Variants in DLGAP1 observed in about 807,000 individuals in gnomAD.
DLGAP1 encodes the protein disks large-associated protein 1.
A neutral mutation model predicts 90.8 loss-of-function variants in DLGAP1; 11 were observed. The observed-to-expected ratio is 0.12, with a 90% CI of 0.08 to 0.20. The LOEUF is 0.20. Among genes scored for constraint, DLGAP1 ranks in the 10% least tolerant of loss-of-function variants. The pLI is 1.00. For missense variants in DLGAP1, 1,050 were observed against 1,333.8 expected, an observed-to-expected ratio of 0.79 and a Z score of 3.31; for synonymous variants, 558 against 540.7, an observed-to-expected ratio of 1.03 and a Z score of -0.44.
Position 3,707,556 on chromosome 18 carries a change from C to T in DLGAP1, c.1591+21579G>A, listed in dbSNP as rs1416159293. ...CAGAGGTTGCAGTGAGCCGAGATCA[C>T]GCCACTGCACTCCAGCCTGGGTGAC... On this transcript the variant is annotated intron_variant, in intron 7 of 12. Transcript: ENST00000315677. 7.3e-5 allele frequency among the ~76,000 whole-genome samples: 11 copies of T among 151,414 alleles called. No individual in the cohort carries two copies. In the East Asian group the frequency reaches 2.1e-3, roughly 29 times the overall value.
chr18:3,635,924 T>C (rs2058699126), intron 7 of DLGAP1, among the ~76,000 whole-genome samples: 1 of 151,550 alleles, frequency 6.6e-6, no homozygotes, highest in South Asian at 2.1e-4. Flanking sequence ...CTGAGTTGTA[T>C]TTTGAAGAAA....
At chr18:3,513,571 A>G (rs143347509) in intron 10 of DLGAP1, among the ~76,000 whole-genome samples, 5 of 152,382 alleles carry the variant, frequency 3.3e-5, no homozygotes, top group East Asian at 1.9e-4. Flanking sequence ...TTAGGAAGCA[A>G]GAGCAAAGCA....
intron 1 of DLGAP1, among the ~76,000 whole-genome samples, chr18:4,389,634 T>A (rs970143303): frequency 1.4e-4 from 21 of 152,218 alleles, no homozygotes; most frequent in African/African-American, 5.1e-4. Flanking sequence ...TTCTTCTTTA[T>A]CTTCATGGAT....
chr18:4,007,284 A>G (rs1192618574), intron 2 of DLGAP1, among the ~76,000 whole-genome samples: 1 of 152,062 alleles, frequency 6.6e-6, no homozygotes, highest in African/African-American at 2.4e-5. Flanking sequence ...GTGGCTGAAG[A>G]GTGAGTGACC....
chr18:3,967,330 A>G (rs1205641256), intron 3 of DLGAP1, among the ~76,000 whole-genome samples: 1 of 152,256 alleles, frequency 6.6e-6, no homozygotes, highest in Non-Finnish European at 1.5e-5. Flanking sequence ...ATGAGCTCAC[A>G]GTGACTTTAA....
intron 6 of DLGAP1, among the ~76,000 whole-genome samples, chr18:3,736,419 A>G (rs1033558261): frequency 1.3e-5 from 2 of 152,332 alleles, no homozygotes; most frequent in East Asian, 3.9e-4. Context: ...GTGAGTAATA[A>G]ATGACAGAAG....
chr18:4,446,728 G>C (rs2083677504), intron 1 of DLGAP1, among the ~76,000 whole-genome samples: 1 of 152,074 alleles, frequency 6.6e-6, no homozygotes, highest in African/African-American at 2.4e-5. Context: ...TTCATCCAGA[G>C]ACATCATAAA....
chr18:3,883,132 T>C (rs1451923573), intron 3 of DLGAP1, among the ~76,000 whole-genome samples: 3 of 152,164 alleles, frequency 2.0e-5, no homozygotes, highest in African/African-American at 4.8e-5. Context: ...TAATATCAGC[T>C]ACTTGGGAGG....
intron 1 of DLGAP1, among the ~76,000 whole-genome samples, chr18:4,163,420 G>A (rs950530343): frequency 1.3e-5 from 2 of 152,192 alleles, no homozygotes; most frequent in African/African-American, 4.8e-5. Context: ...GGCCCAGTGA[G>A]GAAAAGGTGT....
intron 1 of DLGAP1, chr18:4,293,404 T>C (rs1162986508): frequency 1.3e-5 from 2 of 152,240 alleles, no homozygotes; most frequent in African/African-American, 4.8e-5. Context: ...GTAGAGATCA[T>C]AGATACAATG....
chr18:3,711,510 C>G lies in DLGAP1; in HGVS notation c.1591+17625G>C, dbSNP rs1264946579. Among the ~76,000 whole-genome samples, 1 of 152,206 alleles carries G rather than the reference C, an allele frequency of 6.6e-6. No individual in the cohort carries two copies. Among genetic ancestry groups the G allele is most frequent in the Non-Finnish European group, 1.5e-5 (1 of 68,040 alleles). ...CTAAAAGTGGCTCACGTATCCCACC[C>G]AGATCATCAGCTGTGTTGACTGTGG... On this transcript the variant is annotated intron_variant, in intron 7 of 12. Transcript: ENST00000315677. The surrounding 1 kb of genome is among the most constrained non-coding windows in gnomAD (Gnocchi z 4.0).
At chr18:3,855,352 C>G (rs778311349) in intron 4 of DLGAP1, among the ~76,000 whole-genome samples, 1 of 151,944 alleles carries the variant, frequency 6.6e-6, no homozygotes, top group Non-Finnish European at 1.5e-5. Flanking sequence ...ACCTGAGTGA[C>G]AAAATAATCT....
chr18:4,032,225 C>T (rs2074807322), intron 2 of DLGAP1, among the ~76,000 whole-genome samples: 1 of 152,122 alleles, frequency 6.6e-6, no homozygotes, highest in Non-Finnish European at 1.5e-5. Context: ...CTGATAATAG[C>T]TGCATCACCC....
intron 2 of DLGAP1, among the ~76,000 whole-genome samples, chr18:4,110,094 A>G (rs1267445357): frequency 6.6e-6 from 1 of 152,182 alleles, no homozygotes; most frequent in African/African-American, 2.4e-5. Flanking sequence ...TTGCTATCCA[A>G]ATCTGTCATT....
intron 1 of DLGAP1, among the ~76,000 whole-genome samples, chr18:4,399,691 T>C (rs569720053): frequency 6.6e-6 from 1 of 152,280 alleles, no homozygotes; most frequent in Admixed American, 6.5e-5. Context: ...TACTTTTCAA[T>C]TGCAGGTGCA....
chr18:4,105,757 G>A (rs1048827169), intron 2 of DLGAP1, among the ~76,000 whole-genome samples: 7 of 152,240 alleles, frequency 4.6e-5, no homozygotes, highest in African/African-American at 1.4e-4. Context: ...TAGGCCGGGC[G>A]CGGTGGCTCA....
intron 3 of DLGAP1, among the ~76,000 whole-genome samples, chr18:4,003,103 G>C (rs1010446892): frequency 1.3e-5 from 2 of 152,194 alleles, no homozygotes; most frequent in Non-Finnish European, 2.9e-5. Flanking sequence ...CAGGGTGGTA[G>C]AGGATAAGTC....
rs529612889 is a variant in DLGAP1 at position 3,976,537 on chromosome 18, T to C, written c.-73+28579A>G. ...TCTCTGTTCCCTGCATATTTTTATA[T>C]AGTATTAATTTTCTTCATGTTACTG... On this transcript the variant is annotated intron_variant, in intron 3 of 12. Coordinates refer to ENST00000315677, the MANE Select transcript of DLGAP1 (RefSeq NM_004746.4). 6.6e-4 allele frequency among the ~76,000 whole-genome samples: 100 copies of C among 152,346 alleles called. 1 individual carries two copies. The Middle Eastern group carries it at 0.014, about 21-fold the overall frequency.
rs557706006 is a variant in DLGAP1 at position 4,235,811 on chromosome 18, C to T, written c.-266-84524G>A. Among the ~76,000 whole-genome samples the T allele has an allele frequency of 4.8e-5, 7 of 145,626 alleles. No homozygotes were observed. In the South Asian group the frequency reaches 8.8e-4, roughly 18 times the overall value. On this transcript the variant is annotated intron_variant, in intron 1 of 12. Transcript: ENST00000315677. The stretch of plus-strand genomic sequence containing the variant: ...CATGATCTTGGCTCACTGCAACCTC[C>T]GCCTCCCGGGTTCAAGCAATTCTCC...
Sources: gnomAD v4.1 joint callset for allele counts (sites outside exome capture counted in the v4.1 genomes callset) on GRCh38, gnomAD v4.1.1 for gene constraint, Gnocchi (gnomAD v3.1) non-coding constraint, MANE v1.5 for transcripts, NCBI Gene and HGNC (gene_info 2026-07-23, HGNC 2026-07-21) for gene names.